The following SNTB1 variants were observed in gnomAD, a reference collection of about 807,000 sequenced individuals.
SNTB1 encodes beta-1-syntrophin.
A neutral mutation model predicts 48.9 loss-of-function variants in SNTB1; 36 were observed. That is an observed-to-expected ratio of 0.74 (90% CI 0.56 to 0.97). The LOEUF is 0.97. SNTB1 is among the 50% of genes least tolerant of loss of function. SNTB1 has a pLI of 0.00. For synonymous variants in SNTB1, 299 were observed against 294.6 expected (o/e 1.01, Z -0.15); for missense variants, 786 against 703.4 (o/e 1.12, Z -1.33).
At chr8:120,625,369 C>A (rs763409812) in intron 3 of SNTB1, among the ~76,000 whole-genome samples, 1 of 152,128 alleles carries the variant, frequency 6.6e-6, no homozygotes, top group Non-Finnish European at 1.5e-5. Flanking sequence ...ATGTACACAC[C>A]CCCCTGTCTT....
intron 1 of SNTB1, among the ~76,000 whole-genome samples, chr8:120,771,103 C>A (rs972150954): frequency 2.0e-5 from 3 of 152,124 alleles, no homozygotes; most frequent in Admixed American, 2.0e-4. Flanking sequence ...TTTAGAGATG[C>A]AGCAACACTG....
At chr8:120,661,517 A>G (rs959482315) in intron 2 of SNTB1, among the ~76,000 whole-genome samples, 2 of 152,148 alleles carry the variant, frequency 1.3e-5, no homozygotes, top group African/African-American at 4.8e-5. Context: ...TCTAGGATAC[A>G]TGTGCTGAAC....
chr8:120,729,080 G>A (rs943892672), intron 1 of SNTB1, among the ~76,000 whole-genome samples: 1 of 151,826 alleles, frequency 6.6e-6, no homozygotes, highest in Non-Finnish European at 1.5e-5. Context: ...ATGGGCTCAA[G>A]TGATCCTCCC....
intron 3 of SNTB1, among the ~76,000 whole-genome samples, chr8:120,607,151 A>C (rs1490382860): frequency 6.6e-6 from 1 of 152,210 alleles, no homozygotes; most frequent in East Asian, 1.9e-4. Flanking sequence ...TAAAATAATA[A>C]AGATTCCAAG....
At chr8:120,605,479 C>T (rs1317894809) in intron 3 of SNTB1, among the ~76,000 whole-genome samples, 1 of 152,146 alleles carries the variant, frequency 6.6e-6, no homozygotes, top group Non-Finnish European at 1.5e-5. Context: ...AGTGTATGTT[C>T]ACAAGCCCAG....
chr8:120,619,829 A>G (rs142049757), intron 3 of SNTB1, among the ~76,000 whole-genome samples: 22 of 152,316 alleles, frequency 1.4e-4, no homozygotes, highest in African/African-American at 4.6e-4. Context: ...GCATGTCAGC[A>G]TGGCTCTGCT....
intron 2 of SNTB1, among the ~76,000 whole-genome samples, chr8:120,656,532 T>C (rs1486482727): frequency 6.6e-6 from 1 of 152,188 alleles, no homozygotes; most frequent in Admixed American, 6.5e-5. Context: ...TATTCTGTGG[T>C]TTTATCTTGC....
chr8:120,733,562 C>T (rs1226831628), intron 1 of SNTB1, among the ~76,000 whole-genome samples: 5 of 152,236 alleles, frequency 3.3e-5, no homozygotes, highest in Admixed American at 2.6e-4. Context: ...ACTACTTGGT[C>T]CCTTCTAAAA....
chr8:120,603,297 C>G lies in SNTB1; in HGVS notation c.997-28072G>C, dbSNP rs5019650. Among the ~76,000 whole-genome samples, 5 of 152,030 alleles carry G rather than the reference C, an allele frequency of 3.3e-5. No individual in the cohort carries two copies. In the East Asian group the frequency reaches 9.7e-4, roughly 30 times the overall value. On this transcript the variant is annotated intron_variant, in intron 3 of 6. Coordinates refer to ENST00000517992, the MANE Select transcript of SNTB1 (RefSeq NM_021021.4). The stretch of plus-strand genomic sequence containing the variant: ...GTATTTCTGGTAGAGATGGGGTTTC[C>G]CCATATTGGTCAGGCTGGTCTCGAA...
intron 6 of SNTB1, among the ~76,000 whole-genome samples, chr8:120,540,410 G>A (rs1815267039): frequency 6.6e-6 from 1 of 152,214 alleles, no homozygotes; most frequent in Non-Finnish European, 1.5e-5. Context: ...ATTATAGGCA[G>A]AAAGGCTGAA....
intron 1 of SNTB1, among the ~76,000 whole-genome samples, chr8:120,783,066 C>A (rs770778347): frequency 1.3e-4 from 20 of 152,284 alleles, no homozygotes; most frequent in Middle Eastern, 3.4e-3. Flanking sequence ...AAAGCTTCTG[C>A]AAATATGTTT....
At chr8:120,544,336 A>T (rs1815342319) in intron 5 of SNTB1, among the ~76,000 whole-genome samples, 1 of 152,152 alleles carries the variant, frequency 6.6e-6, no homozygotes, top group Non-Finnish European at 1.5e-5. Flanking sequence ...TCTACATAGG[A>T]TGGAATCGGT....
intron 1 of SNTB1, among the ~76,000 whole-genome samples, chr8:120,720,405 A>G (rs1818638311): frequency 6.6e-6 from 1 of 152,220 alleles, no homozygotes; most frequent in African/African-American, 2.4e-5. Flanking sequence ...CTATGACCCT[A>G]TTCTGACAAC....
At chr8:120,588,515 C>G (rs145470250) in intron 3 of SNTB1, among the ~76,000 whole-genome samples, 1 of 130,534 alleles carries the variant, frequency 7.7e-6, no homozygotes, top group African/African-American at 2.7e-5. Flanking sequence ...AAAACCTGCC[C>G]CAACTGGGAA....
chr8:120,650,470 T>G (rs1477816570), intron 2 of SNTB1, among the ~76,000 whole-genome samples: 1 of 152,106 alleles, frequency 6.6e-6, no homozygotes, highest in Non-Finnish European at 1.5e-5. Context: ...CCCCCTTTTT[T>G]TCCCTCACCC....
intron 3 of SNTB1, among the ~76,000 whole-genome samples, chr8:120,610,473 A>G (rs1816602843): frequency 6.6e-6 from 1 of 152,200 alleles, no homozygotes; most frequent in Admixed American, 6.5e-5. Context: ...TCATTCATTA[A>G]TCATCTTATA....
chr8:120,758,902 T>C (rs547622037), intron 1 of SNTB1, among the ~76,000 whole-genome samples: 62 of 152,146 alleles, frequency 4.1e-4, no homozygotes, highest in Non-Finnish European at 1.0e-4. Context: ...AAGTCCAGCA[T>C]GGACCCTCCT....
At position 120,780,106 on chromosome 8, in the gene SNTB1, G is replaced by A. The variant is rs937767690; in HGVS notation, c.571+31167C>T. Among the ~76,000 whole-genome samples the A allele has an allele frequency of 1.4e-4, 21 of 147,622 alleles. 1 individual carries two copies. The highest frequency in any genetic ancestry group is 2.7e-4 in the Admixed American group (4 of 14,802). ...AGTTAAAAAAAAAAAAAAAAGATCC[G>A]TGTCAGAGCAGGAGAACCAGGAAAG... On this transcript the variant is annotated intron_variant, in intron 1 of 6. Coordinates refer to ENST00000517992, the MANE Select transcript of SNTB1 (RefSeq NM_021021.4).
At chr8:120,642,023 T>A (rs1425655401) in intron 2 of SNTB1, among the ~76,000 whole-genome samples, 1 of 152,226 alleles carries the variant, frequency 6.6e-6, no homozygotes, top group African/African-American at 2.4e-5. Flanking sequence ...ATGCAAATTA[T>A]AGGTTCCCAT....
Sources: gnomAD v4.1 joint callset for allele counts (sites outside exome capture counted in the v4.1 genomes callset) on GRCh38, gnomAD v4.1.1 for gene constraint, MANE v1.5 for transcripts, NCBI Gene and HGNC (gene_info 2026-07-23, HGNC 2026-07-21) for gene names.